ZNF76: variants seen among roughly 807,000 people sequenced by gnomAD.
ZNF76 encodes zinc finger protein 76, also known as zinc finger protein 523.
Under a neutral mutation model 66.9 loss-of-function variants are expected in ZNF76, and 66 were observed. The ratio of observed to expected loss-of-function variants is 0.99; its 90% CI spans 0.81 to 1.21. The LOEUF (loss-of-function observed/expected upper bound fraction) is 1.21. ZNF76 is among the 50% of genes most tolerant of loss of function. The probability of loss-of-function intolerance (pLI) is 0.00; values close to 1 mark genes in which losing one functional copy is unlikely to be tolerated. For missense variants in ZNF76, 729 were observed against 760.3 expected, an observed-to-expected ratio of 0.96 and a Z score of 0.48; for synonymous variants, 275 against 296.1, an observed-to-expected ratio of 0.93 and a Z score of 0.73.
At chr6:35,281,373 T>C (rs1788749966) in intron 2 of ZNF76, 149 bp downstream of exon 2, 1 of 676,578 alleles carries the variant, frequency 1.5e-6, no homozygotes, top group African/African-American at 1.8e-5. Context: ...GAATCTCCTG[T>C]GGTGCTTGAT....
At chr6:35,259,864 G>T (rs1784919228) in intron 1 of ZNF76, 23 bp downstream of exon 1, 1 of 152,412 alleles carries the variant, frequency 6.6e-6, no homozygotes, top group Admixed American at 6.5e-5. Context: ...GGGAGGAGTG[G>T]GCCAACCATG....
chr6:35,295,024 C>T (rs1790982828), intron 13 of ZNF76, 120 bp from the exon 14 acceptor site: 2 of 684,334 alleles, frequency 2.9e-6, no homozygotes, highest in Non-Finnish European at 5.0e-6. Context: ...AAGTGCTCAG[C>T]GTGTGGCACT....
At chr6:35,294,641 TGAG>T in intron 13 of ZNF76, 72 bp downstream of exon 13, 1 of 1,088,518 alleles carries the variant, frequency 9.2e-7, no homozygotes, top group Non-Finnish European at 1.4e-6. Flanking sequence ...GGGAATTAGA[TGAG>T]GATCTTGAAG....
intron 4 of ZNF76, 103 bp downstream of exon 4, chr6:35,286,502 A>G: frequency 9.2e-7 from 1 of 1,084,798 alleles, no homozygotes; most frequent in Non-Finnish European, 1.4e-6. Context: ...GGGTGTAGAC[A>G]TGGGAGCTGT....
intron 1 of ZNF76, among the ~76,000 whole-genome samples, chr6:35,262,818 C>G (rs1785446728): frequency 6.6e-6 from 1 of 152,104 alleles, no homozygotes; most frequent in African/African-American, 2.4e-5. Context: ...CCCTCCCATT[C>G]TAAGGCCTCT....
rs558588822 is a variant in ZNF76, at chr6:35,295,132, C to G, written c.1609-12C>G. 5.6e-6 allele frequency: 9 copies of G among 1,605,616 alleles called. No homozygotes were observed. Among genetic ancestry groups the G allele is most frequent in the African/African-American group, 1.3e-5 (1 of 74,882 alleles). On this transcript the variant is annotated splice_polypyrimidine_tract_variant and intron_variant, in intron 13 of 13. Transcript: ENST00000373953. ...TCACTGTCTCCTTCCTTCTGCACCCCCTTCCCCACAGCTGGAGGAACAGCA... is the reference window on the plus strand; with the variant it reads ...TCACTGTCTCCTTCCTTCTGCACCCGCTTCCCCACAGCTGGAGGAACAGCA...
chr6:35,283,812 G>C (rs998471228), intron 2 of ZNF76, among the ~76,000 whole-genome samples: 2 of 152,192 alleles, frequency 1.3e-5, no homozygotes, highest in Non-Finnish European at 2.9e-5. Flanking sequence ...CTGTGGGTGG[G>C]AGGGAAGAAA....
intron 1 of ZNF76, among the ~76,000 whole-genome samples, chr6:35,271,693 A>T (rs4713847): frequency 0.72 from 106,344 of 148,588 alleles, 39,697 homozygotes; most frequent in Non-Finnish European, 0.83. Flanking sequence ...AAGAAAAAAA[A>T]ATATATATAG....
intron 1 of ZNF76, among the ~76,000 whole-genome samples, chr6:35,273,538 A>C (rs1032844709): frequency 1.2e-4 from 18 of 151,388 alleles, no homozygotes; most frequent in Non-Finnish European, 2.2e-4. Flanking sequence ...ATCCCAGTAC[A>C]TTGGGAGGCC....
chr6:35,266,736 A>G (rs537825286), intron 1 of ZNF76, among the ~76,000 whole-genome samples: 1 of 151,692 alleles, frequency 6.6e-6, no homozygotes, highest in East Asian at 1.9e-4. Context: ...TCCTCTGGCA[A>G]CGCAGGCCTC....
intron 1 of ZNF76, among the ~76,000 whole-genome samples, chr6:35,266,160 T>A (rs1786024257): frequency 4.4e-5 from 1 of 22,838 alleles, no homozygotes; most frequent in Non-Finnish European, 4.2e-4. Context: ...GTGGCTACAA[T>A]TTTTTTTTTT....
chr6:35,264,457 G>A (rs561944111), intron 1 of ZNF76, among the ~76,000 whole-genome samples: 6 of 152,336 alleles, frequency 3.9e-5, no homozygotes, highest in Admixed American at 3.3e-4. Flanking sequence ...AGTGTGGGTT[G>A]CAGAGACGAT....
chr6:35,286,172 AC>A lies in ZNF76; in HGVS notation c.120del (p.Thr41ProfsTer7). 6.2e-7 allele frequency: 1 copy of A among 1,614,148 alleles called. No individual in the cohort carries two copies. The highest frequency in any genetic ancestry group is 8.5e-7 in the Non-Finnish European group (1 of 1,180,014). ...GCAGGTGATCCAGCTCGAGGATGGG[AC>A]CACCGCATACATTCACCAGGTGACG... is the stretch of plus-strand genomic sequence containing the variant. Reference protein sequence around the residue: ...EGQVIQLEDGTTAYIHQVTVQ... With the variant: ...EGQVIQLEDGXTAYIHQVTVQ... On this transcript the variant is annotated frameshift_variant, in exon 3 of 14. Coordinates refer to ENST00000373953, the MANE Select transcript of ZNF76 (RefSeq NM_003427.5). LOFTEE classifies it high-confidence loss of function.
At position 35,287,709 on chromosome 6, in the gene ZNF76, A is replaced by G; in HGVS notation, c.296A>G (p.His99Arg). The change falls in exon 5 of 14, where the codon CAC (histidine) becomes CGC (arginine). Residue 99 changes from histidine to arginine, a missense_variant. Physicochemically the swap from His to Arg is conservative, Grantham distance 29. Transcript: ENST00000373953. The surrounding 1 kb of genome is among the most constrained non-coding windows in gnomAD (Gnocchi z 4.0). ...GAAGATGGCTCCACTGCCTACATTC[A>G]CCACCCTGTGGCTGTGCCATCGGAG... Reference protein sequence around the residue: ...QLEDGSTAYIHHPVAVPSEST... With the variant: ...QLEDGSTAYIRHPVAVPSEST... The G allele has an allele frequency of 6.2e-7, 1 of 1,614,138 alleles. No individual in the cohort carries two copies. The highest frequency in any genetic ancestry group is 1.1e-5 in the South Asian group (1 of 91,082).
chr6:35,291,323 C>T lies in ZNF76; in HGVS notation c.671C>T (p.Pro224Leu). The change falls in exon 8 of 14, where the codon CCA becomes CTA. Residue 224 changes from proline to leucine, a missense_variant. Transcript: ENST00000373953. ...SHVRTHTGEK[P>L]YKCPEELCSK... ...GTTCGTACCCACACTGGTGAGAAAC[C>T]ATACAAGTGCCCAGAGGAGCTGTGC... 1 of 1,613,834 alleles carries T rather than the reference C, an allele frequency of 6.2e-7. No homozygotes were observed. The highest frequency in any genetic ancestry group is 1.7e-5 in the Admixed American group (1 of 59,962).
rs1490292331 is a variant in ZNF76, at chr6:35,284,829, G to A, written c.74-1299G>A. Among the ~76,000 whole-genome samples, 8 of 152,046 alleles carry A rather than the reference G, an allele frequency of 5.3e-5. No homozygotes were observed. In the East Asian group the frequency reaches 1.5e-3, roughly 29 times the overall value. On this transcript the variant is annotated intron_variant, in intron 2 of 13. Coordinates refer to ENST00000373953, the MANE Select transcript of ZNF76 (RefSeq NM_003427.5). ...GGGCTCAAGCAATCCTCCCACCTCA[G>A]CCTCCCGAGTAACTGGGACCACAGG...
At chr6:35,280,339 G>A (rs1179638692) in intron 1 of ZNF76, among the ~76,000 whole-genome samples, 3 of 152,124 alleles carry the variant, frequency 2.0e-5, no homozygotes, top group Non-Finnish European at 4.4e-5. Flanking sequence ...CCAGCTGGGC[G>A]ACAGAGTGAT....
intron 5 of ZNF76, chr6:35,288,148 T>A (rs188741898): frequency 6.8e-4 from 395 of 583,564 alleles, no homozygotes; most frequent in African/African-American, 6.2e-3. Context: ...ATCCTTATGC[T>A]GAGGAGTTAG....
chr6:35,293,738 C>T lies in ZNF76; in HGVS notation c.1330-13C>T. 6.2e-7 allele frequency: 1 copy of T among 1,612,804 alleles called. No homozygotes were observed. ...ACTGACACTGCCAGCTCATCTTCCC[C>T]TCCTGTTGGCAGGTCAGCCTGTCCC... is the stretch of plus-strand genomic sequence containing the variant. On this transcript the variant is annotated splice_polypyrimidine_tract_variant and intron_variant, in intron 11 of 13. Transcript: ENST00000373953.
Sources: allele counts gnomAD v4.1 joint callset (sites outside exome capture counted in the v4.1 genomes callset), GRCh38; gene constraint gnomAD v4.1.1; non-coding constraint Gnocchi (gnomAD v3.1); transcripts MANE v1.5; gene names NCBI Gene and HGNC (gene_info 2026-07-23, HGNC 2026-07-21).